The following ZCCHC17 variants were observed in gnomAD, a reference collection of about 807,000 sequenced individuals.
ZCCHC17 encodes zinc finger CCHC domain-containing protein 17.
ZCCHC17 carries 18 observed loss-of-function variants against 30.6 expected under a neutral mutation model. The observed-to-expected ratio is 0.59, with a 90% CI of 0.41 to 0.87. The LOEUF (loss-of-function observed/expected upper bound fraction) is 0.87. Among genes scored for constraint, ZCCHC17 ranks in the 40% least tolerant of loss-of-function variants. The pLI is 0.00. For missense variants in ZCCHC17, 263 were observed against 284.2 expected (o/e 0.93, Z 0.54); for synonymous variants, 88 against 92.4 (o/e 0.95, Z 0.27).
At chr1:31,303,228 G>A (rs1646363059) in intron 1 of ZCCHC17, among the ~76,000 whole-genome samples, 1 of 152,166 alleles carries the variant, frequency 6.6e-6, no homozygotes, top group South Asian at 2.1e-4. Context: ...GCTGCAGGGA[G>A]CCATGTTTGG....
intron 6 of ZCCHC17, among the ~76,000 whole-genome samples, chr1:31,347,785 A>C (rs960251259): frequency 2.0e-5 from 3 of 151,924 alleles, no homozygotes; most frequent in African/African-American, 7.3e-5. Flanking sequence ...AATTTTTAAA[A>C]ATTTTTTGTA....
intron 3 of ZCCHC17, among the ~76,000 whole-genome samples, chr1:31,326,816 A>G (rs937533058): frequency 2.0e-5 from 3 of 152,180 alleles, no homozygotes; most frequent in African/African-American, 7.2e-5. Context: ...CTATAGGTTT[A>G]TTGGATAACT....
intron 4 of ZCCHC17, 30 bp from the exon 5 acceptor site, chr1:31,338,927 T>C: frequency 6.6e-7 from 1 of 1,518,744 alleles, no homozygotes; most frequent in Non-Finnish European, 9.0e-7. Context: ...GTATTTAAAG[T>C]TTTTGGTGAC....
intron 7 of ZCCHC17, among the ~76,000 whole-genome samples, chr1:31,351,308 A>G (rs1639461484): frequency 6.6e-6 from 1 of 151,936 alleles, no homozygotes; most frequent in East Asian, 1.9e-4. Flanking sequence ...TCCCATTCCC[A>G]CTGCTACTGT....
chr1:31,307,258 C>T (rs776983550), intron 1 of ZCCHC17, among the ~76,000 whole-genome samples: 1 of 152,076 alleles, frequency 6.6e-6, no homozygotes, highest in Non-Finnish European at 1.5e-5. Flanking sequence ...AGCCACTGCA[C>T]CTGGCCCCAG....
intron 7 of ZCCHC17, among the ~76,000 whole-genome samples, chr1:31,349,773 C>T (rs1301220069): frequency 6.6e-6 from 1 of 152,012 alleles, no homozygotes; most frequent in African/African-American, 2.4e-5. Flanking sequence ...CTTAAGTGTT[C>T]AAAAACTTGA....
At position 31,323,404 on chromosome 1, in the gene ZCCHC17, C is replaced by G. The variant is rs137960207; in HGVS notation, c.124+4238C>G. ...TGGCACAATCTCGGCTTACTGCAAG[C>G]TCCACCTCCTGGGTTCACGCCATTC... On this transcript the variant is annotated intron_variant, in intron 3 of 7. Coordinates refer to ENST00000344147, the MANE Select transcript of ZCCHC17 (RefSeq NM_016505.4). 9.6e-3 allele frequency among the ~76,000 whole-genome samples: 1,466 copies of G among 152,218 alleles called. 27 individuals are homozygous for G. The highest frequency in any genetic ancestry group is 0.032 in the African/African-American group (1,329 of 41,542).
At chr1:31,346,951 A>G (rs1569897353) in intron 6 of ZCCHC17, 1 of 1,008,696 alleles carries the variant, frequency 9.9e-7, no homozygotes, top group African/African-American at 1.6e-5. Flanking sequence ...CAGATACTAT[A>G]CCACTACCAC....
At chr1:31,332,530 T>G (rs1278499811) in intron 3 of ZCCHC17, among the ~76,000 whole-genome samples, 1 of 152,046 alleles carries the variant, frequency 6.6e-6, no homozygotes, top group African/African-American at 2.4e-5. Flanking sequence ...ATATAAATTT[T>G]TATGATTGGA....
chr1:31,349,264 A>T (rs983944310), intron 7 of ZCCHC17, among the ~76,000 whole-genome samples: 3 of 152,244 alleles, frequency 2.0e-5, no homozygotes. Context: ...AATTTTAGAA[A>T]TACTGAAAAA....
intron 1 of ZCCHC17, among the ~76,000 whole-genome samples, chr1:31,298,977 A>G (rs1015985736): frequency 1.3e-5 from 2 of 152,240 alleles, no homozygotes; most frequent in Admixed American, 1.3e-4. Context: ...GATTTGTGAT[A>G]GAAATTTCTA....
At chr1:31,324,638 C>T (rs1638264377) in intron 3 of ZCCHC17, among the ~76,000 whole-genome samples, 1 of 152,240 alleles carries the variant, frequency 6.6e-6, no homozygotes, top group Non-Finnish European at 1.5e-5. Flanking sequence ...TGCAACCTGG[C>T]TGGGTTTGCA....
At position 31,339,960 on chromosome 1, in the gene ZCCHC17, C is replaced by CTTTTTTTTTTTTT. The variant is rs36008834; in HGVS notation, c.317+924_317+936dup. ...TCTGTCTCAAGTCTTTCTTGGATTT[C>CTTTTTTTTTTTTT]TTTTTTTTTTTTTTTTTTTTTTTTG... On this transcript the variant is annotated intron_variant, in intron 5 of 7. Transcript: ENST00000344147. Among the ~76,000 whole-genome samples the CTTTTTTTTTTTTT allele has an allele frequency of 7.6e-4, 69 of 90,410 alleles. 5 individuals are homozygous for CTTTTTTTTTTTTT. The highest frequency in any genetic ancestry group is 1.6e-3 in the African/African-American group (46 of 28,818). 59.3% of individuals were successfully genotyped at this position (90,410 alleles called of 152,430 possible). A position where few individuals can be genotyped will look rare whatever the true frequency, so the allele number is the denominator to read the frequency against.
chr1:31,299,588 T>C (rs1019538852), intron 1 of ZCCHC17, among the ~76,000 whole-genome samples: 1 of 152,234 alleles, frequency 6.6e-6, no homozygotes, highest in South Asian at 2.1e-4. Context: ...TGGCAGTAAA[T>C]TTCTCCAGTC....
chr1:31,298,418 C>G (rs1324444804), intron 1 of ZCCHC17, among the ~76,000 whole-genome samples: 1 of 147,110 alleles, frequency 6.8e-6, no homozygotes, highest in Non-Finnish European at 1.5e-5. Context: ...CAGGTTCTTG[C>G]TCTGTCGCCC....
rs116492100 is a variant in ZCCHC17, at chr1:31,332,374, G to A, written c.125-4801G>A. On this transcript the variant is annotated intron_variant, in intron 3 of 7. Transcript: ENST00000344147. ...TGTTTAATTCACTGCATAAGCTAAGGCCTTTTGGTAATAAGCCATTAATGT... is the reference window on the plus strand; with the variant it reads ...TGTTTAATTCACTGCATAAGCTAAGACCTTTTGGTAATAAGCCATTAATGT... Among the ~76,000 whole-genome samples the A allele has an allele frequency of 6.6e-3, 997 of 152,172 alleles. 8 individuals are homozygous for A. The highest frequency in any genetic ancestry group is 0.023 in the African/African-American group (944 of 41,500).
At chr1:31,348,767 T>G in intron 6 of ZCCHC17, 62 bp from the exon 7 acceptor site, 1 of 1,599,906 alleles carries the variant, frequency 6.3e-7, no homozygotes, top group Non-Finnish European at 8.5e-7. Flanking sequence ...TGGGGAAAGA[T>G]TCACTTGCTG....
At chr1:31,358,596 T>C (rs1639737470) in intron 7 of ZCCHC17, among the ~76,000 whole-genome samples, 1 of 151,888 alleles carries the variant, frequency 6.6e-6, no homozygotes, top group South Asian at 2.1e-4. Context: ...ACTGGAAGAT[T>C]TGAGTTAAGA....
intron 5 of ZCCHC17, among the ~76,000 whole-genome samples, chr1:31,339,368 G>A (rs143458678): frequency 1.6e-4 from 24 of 152,288 alleles, no homozygotes; most frequent in Admixed American, 3.9e-4. Context: ...GCTGGATGTG[G>A]TAGTGCGTGC....
Sources: allele counts gnomAD v4.1 joint callset (sites outside exome capture counted in the v4.1 genomes callset), GRCh38; gene constraint gnomAD v4.1.1; transcripts MANE v1.5; gene names NCBI Gene and HGNC (gene_info 2026-07-23, HGNC 2026-07-21).